The following IDI1 variants were observed in gnomAD, a reference collection of about 807,000 sequenced individuals.
IDI1 encodes the protein isopentenyl-diphosphate Delta-isomerase 1.
A neutral mutation model predicts 32.9 loss-of-function variants in IDI1; 23 were observed. The ratio of observed to expected loss-of-function variants is 0.70; its 90% CI spans 0.50 to 0.99. The LOEUF is 0.99. Ranked by LOEUF, IDI1 falls within the 50% of genes least tolerant of loss-of-function variation. The pLI is 0.00. For missense variants in IDI1, 326 were observed against 351.9 expected (o/e 0.93, Z 0.59); for synonymous variants, 133 against 128.2 (o/e 1.04, Z -0.25).
At chr10:1,050,819 A>G (rs1832990896), upstream of IDI1, among the ~76,000 whole-genome samples, 1 of 152,274 alleles carries the variant, frequency 6.6e-6, no homozygotes, top group Non-Finnish European at 1.5e-5. Context: ...GTGTGGCGAG[A>G]ACACGTAAAC....
In IDI1 at chr10:1,040,806, A is replaced by G. The variant is rs1455401519; in HGVS notation, c.*381T>C. Reference sequence around the variant, plus strand: ...TAATGATACATAAAGCACCTGGCAAATAGCAAGTCCTCTGCAAGTGCTCCG... The same window carrying G: ...TAATGATACATAAAGCACCTGGCAAGTAGCAAGTCCTCTGCAAGTGCTCCG... On this transcript the variant is annotated 3_prime_UTR_variant, in exon 5 of 5. Coordinates refer to ENST00000381344, the MANE Select transcript of IDI1 (RefSeq NM_004508.4). 2 of 165,888 alleles carry G rather than the reference A, an allele frequency of 1.2e-5. No homozygotes were observed. The allele number at this position is 165,888 out of a possible 1,614,324, so 10.3% of individuals were successfully genotyped here.
chr10:1,048,797 C>T, intron 1 of IDI1, 67 bp downstream of exon 1: 7 of 1,563,428 alleles, frequency 4.5e-6, no homozygotes, highest in Non-Finnish European at 6.0e-6. Flanking sequence ...TCCTCCCCGC[C>T]CCGTCCCGCA....
rs112832376 is a variant in IDI1 at position 1,041,514 on chromosome 10, TAA to T, written c.538-12_538-11del. On this transcript the variant is annotated splice_polypyrimidine_tract_variant and intron_variant, in intron 4 of 4. Coordinates refer to ENST00000381344, the MANE Select transcript of IDI1 (RefSeq NM_004508.4). ...TTTCTTCTGGAGGAACCTAAGACAT[TAA>T]AAAAAAAAAAGTAATTAAAACATCG... The T allele has an allele frequency of 1.1e-3, 1,284 of 1,215,690 alleles. No individual in the cohort carries two copies. Among genetic ancestry groups the T allele is most frequent in the African/African-American group, 1.3e-3 (84 of 64,196 alleles). The allele number at this position is 1,215,690 out of a possible 1,614,324, so 75.3% of individuals were successfully genotyped here. A position where few individuals can be genotyped will look rare whatever the true frequency, so the allele number is the denominator to read the frequency against.
At chr10:1,056,101 C>T in the IDI1 span, among the ~76,000 whole-genome samples, 9,332 of 152,216 alleles carry the variant, frequency 0.061, 501 homozygotes, top group African/African-American at 0.15. Flanking sequence ...GCCACCGCGC[C>T]TGGCCTTGAG....
At chr10:1,041,716 C>T (rs375895944) in intron 4 of IDI1, among the ~76,000 whole-genome samples, 1 of 145,128 alleles carries the variant, frequency 6.9e-6, no homozygotes, top group African/African-American at 2.6e-5. Context: ...CAAGTGTTTG[C>T]GTTTTTTTCC....
rs1029869038 is a variant in IDI1, at chr10:1,039,912, A to G, written c.*1275T>C. ...TTTAACAAACTAAACACAGTATTAAATTGCAATTTTTTTTACTTTTCAATA... is the reference window on the plus strand; with the variant it reads ...TTTAACAAACTAAACACAGTATTAAGTTGCAATTTTTTTTACTTTTCAATA... On this transcript the variant is annotated 3_prime_UTR_variant, in exon 5 of 5. Coordinates refer to ENST00000381344, the MANE Select transcript of IDI1 (RefSeq NM_004508.4). 3.9e-5 allele frequency: 6 copies of G among 152,266 alleles called. No homozygotes were observed. The highest frequency in any genetic ancestry group is 8.8e-5 in the Non-Finnish European group (6 of 68,044). 9.4% of individuals were successfully genotyped at this position (152,266 alleles called of 1,614,324 possible).
At chr10:1,042,524 G>T in intron 4 of IDI1, 108 bp downstream of exon 4, 1 of 1,044,178 alleles carries the variant, frequency 9.6e-7, no homozygotes, top group Non-Finnish European at 1.5e-6. Context: ...TCATAACTCC[G>T]GAGGTTACCA....
chr10:1,048,724 C>G lies in IDI1; in HGVS notation c.140+140G>C. ...CTCCCTCCAGTTCGGGAGACCAACG[C>G]CGCCACCCCCAGCTGTCCAGGCCTC... On this transcript the variant is annotated intron_variant, in intron 1 of 4. Coordinates refer to ENST00000381344, the MANE Select transcript of IDI1 (RefSeq NM_004508.4). The G allele has an allele frequency of 4.2e-6, 6 of 1,431,496 alleles. No homozygotes were observed. The South Asian group carries it at 7.3e-5, about 18-fold the overall frequency. 88.7% of individuals were successfully genotyped at this position (1,431,496 alleles called of 1,614,324 possible).
At chr10:1,049,472 T>TTCC (rs1398786298), upstream of IDI1, 1 of 107,116 alleles carries the variant, frequency 9.3e-6, no homozygotes, top group Non-Finnish European at 1.9e-5. Flanking sequence ...CTCCCCCCCC[T>TTCC]CCCCCCCCCC....
intron 1 of IDI1, among the ~76,000 whole-genome samples, chr10:1,047,931 C>T (rs1001552146): frequency 6.6e-6 from 1 of 152,134 alleles, no homozygotes; most frequent in Admixed American, 6.5e-5. Flanking sequence ...TGGATATGGA[C>T]CCCAAGGATA....
intron 1 of IDI1, among the ~76,000 whole-genome samples, chr10:1,046,034 TAGAA>T (rs1832800203): frequency 6.6e-6 from 1 of 152,248 alleles, no homozygotes; most frequent in Non-Finnish European, 1.5e-5. Flanking sequence ...GCCTCAATTT[TAGAA>T]AGATTTCCAA....
At position 1,048,925 on chromosome 10, in the gene IDI1, C is replaced by T; in HGVS notation, c.79G>A (p.Asp27Asn). The change falls in exon 1 of 5, where the codon GAC (aspartate) becomes AAC (asparagine). Residue 27 changes from aspartate to asparagine, a missense_variant. This residue lies in a region of IDI1 where 121 missense variants were observed against 78.4 expected (regional missense o/e 1.54). Transcript: ENST00000381344. ...GRGQWAVRAADCAQSGRHPGP... is the reference protein window; with the variant it reads ...GRGQWAVRAANCAQSGRHPGP... Reference sequence around the variant, plus strand: ...GGATGGCGCCCGCTTTGAGCACAGTCTGCGGCGCGCACCGCCCACTGGCCC... The same window carrying T: ...GGATGGCGCCCGCTTTGAGCACAGTTTGCGGCGCGCACCGCCCACTGGCCC... 1 of 1,597,322 alleles carries T rather than the reference C, an allele frequency of 6.3e-7. No homozygotes were observed. Among genetic ancestry groups the T allele is most frequent in the Non-Finnish European group, 8.5e-7 (1 of 1,174,440 alleles).
chr10:1,045,871 GT>G (rs1832791943), intron 1 of IDI1, among the ~76,000 whole-genome samples: 3 of 44,916 alleles, frequency 6.7e-5, no homozygotes, highest in African/African-American at 1.6e-4. Context: ...GTCTGGGTGT[GT>G]GTGTGTGTGT....
At position 1,048,969 on chromosome 10, in the gene IDI1, C is replaced by T. The variant is rs4880760; in HGVS notation, c.35G>A (p.Gly12Asp). ...CTGGCCCCGCCCCCGGGCCGCGCAGCCAATCGCTCGCGCCAGCGCCAGTCC... is the reference window on the plus strand; with the variant it reads ...CTGGCCCCGCCCCCGGGCCGCGCAGTCAATCGCTCGCGCCAGCGCCAGTCC... Reference protein sequence around the residue: ...WRGLALARAIGCAARGRGQWA... With the variant: ...WRGLALARAIDCAARGRGQWA... Residue 12 changes from glycine (G) to aspartate (D), a missense_variant, in exon 1 of 5, where the codon GGC (glycine) becomes GAC (aspartate). Gly to Asp is a moderately conservative substitution (Grantham distance 94). Transcript: ENST00000381344. The T allele has an allele frequency of 1.9e-6, 3 of 1,546,430 alleles. No individual in the cohort carries two copies. Among genetic ancestry groups the T allele is most frequent in the East Asian group, 4.9e-5 (2 of 40,712 alleles).
intron 1 of IDI1, among the ~76,000 whole-genome samples, chr10:1,044,911 C>G (rs1832755938): frequency 6.6e-6 from 1 of 152,360 alleles, no homozygotes; most frequent in South Asian, 2.1e-4. Flanking sequence ...AACTCTGCCT[C>G]TGTAACACTA....
chr10:1,049,360 T>C (rs370264499), upstream of IDI1, among the ~76,000 whole-genome samples: 3 of 152,068 alleles, frequency 2.0e-5, no homozygotes, highest in South Asian at 2.1e-4. Flanking sequence ...CGCCAAGCCC[T>C]GCAGCCGGAA....
At chr10:1,049,195 G>A (rs1832909978), upstream of IDI1, 17 of 963,958 alleles carry the variant, frequency 1.8e-5, no homozygotes, top group Admixed American at 3.8e-5. Flanking sequence ...GCAGCGTCCC[G>A]CGACTGGGCG....
chr10:1,041,920 C>T (rs149041576), intron 4 of IDI1, among the ~76,000 whole-genome samples: 6,886 of 151,662 alleles, frequency 0.045, 503 homozygotes, highest in African/African-American at 0.15. Flanking sequence ...ATTCTCCTGC[C>T]TCAGCCTCCT....
chr10:1,042,402 T>C (rs1832628736), intron 4 of IDI1: 2 of 449,086 alleles, frequency 4.5e-6, no homozygotes, highest in East Asian at 9.3e-5. Flanking sequence ...TATTCAACCT[T>C]ATATAGTGCT....
Sources: gnomAD v4.1 joint callset for allele counts (sites outside exome capture counted in the v4.1 genomes callset) on GRCh38, gnomAD v4.1.1 for gene constraint, gnomAD v4.1.1 regional missense constraint, MANE v1.5 for transcripts, NCBI Gene and HGNC (gene_info 2026-07-23, HGNC 2026-07-21) for gene names.